Variants in MGAM2 observed in about 807,000 individuals in gnomAD.
MGAM2 encodes the protein maltase-glucoamylase 2 (putative).
MGAM2 carries 98 observed loss-of-function variants against 96.1 expected under a neutral mutation model. The ratio of observed to expected loss-of-function variants is 1.02; its 90% CI spans 0.87 to 1.21. MGAM2 has a LOEUF of 1.21. Among genes scored for constraint, MGAM2 ranks in the 50% most tolerant of loss-of-function variants. The pLI, the probability that MGAM2 is intolerant of heterozygous loss-of-function variation, is 0.00. For synonymous variants in MGAM2, 749 were observed against 414.8 expected (o/e 1.81, Z -9.79); for missense variants, 2,055 against 1,182.4 (o/e 1.74, Z -10.82).
chr7:142,209,018 C>T lies in MGAM2; in HGVS notation c.5187+396C>T, dbSNP rs1037441816. The stretch of plus-strand genomic sequence containing the variant: ...TATCTAACAATAAGCACTTACTTAG[C>T]TCATGAGCTTGCAGGGCTCAGAGGA... On this transcript the variant is annotated intron_variant, in intron 46 of 47. Coordinates refer to ENST00000477922, the MANE Select transcript of MGAM2 (RefSeq NM_001293626.2). Among the ~76,000 whole-genome samples, 10 of 152,316 alleles carry T rather than the reference C, an allele frequency of 6.6e-5. No homozygotes were observed. The South Asian group carries it at 1.0e-3, about 16-fold the overall frequency.
intron 32 of MGAM2, among the ~76,000 whole-genome samples, chr7:142,180,461 T>C (rs1194720486): frequency 1.3e-5 from 2 of 152,162 alleles, no homozygotes; most frequent in Admixed American, 1.3e-4. Flanking sequence ...TTTGAGATCT[T>C]TCTAACTTCT....
intron 14 of MGAM2, 100 bp from the exon 15 acceptor site, chr7:142,147,356 G>T (rs2129082598): frequency 1.7e-6 from 1 of 598,712 alleles, no homozygotes; most frequent in Middle Eastern, 3.8e-4. Context: ...GGTGGAGATT[G>T]GTGGGGAAGG....
chr7:142,135,686 T>C (rs1795036106), intron 7 of MGAM2, among the ~76,000 whole-genome samples: 1 of 151,448 alleles, frequency 6.6e-6, no homozygotes, highest in African/African-American at 2.4e-5. Flanking sequence ...CTCCGTATTC[T>C]AATCTCAACT....
chr7:142,152,031 A>G (rs1261095612), intron 15 of MGAM2, among the ~76,000 whole-genome samples: 1 of 152,124 alleles, frequency 6.6e-6, no homozygotes, highest in East Asian at 1.9e-4. Context: ...CCCCACCTCT[A>G]GGCTGAAAGC....
chr7:142,217,185 T>C (rs1379932509), intron 46 of MGAM2, among the ~76,000 whole-genome samples: 2 of 152,178 alleles, frequency 1.3e-5, no homozygotes, highest in Non-Finnish European at 2.9e-5. Context: ...ACCTCATAAT[T>C]TATGTCATAT....
intron 46 of MGAM2, among the ~76,000 whole-genome samples, chr7:142,215,485 G>A (rs1797730855): frequency 6.6e-6 from 1 of 151,792 alleles, no homozygotes; most frequent in Admixed American, 6.6e-5. Context: ...ATTTGGCTGA[G>A]CGTGGTGGCT....
At chr7:142,204,997 A>C (rs1797354183) in intron 45 of MGAM2, among the ~76,000 whole-genome samples, 1 of 152,148 alleles carries the variant, frequency 6.6e-6, no homozygotes, top group African/African-American at 2.4e-5. Flanking sequence ...CTCTTGGGAA[A>C]GTACATATTT....
rs754177951 is a variant in MGAM2 at position 142,220,431 on chromosome 7, A to G, written c.5920A>G (p.Asn1974Asp). The G allele has an allele frequency of 5.7e-6, 4 of 702,602 alleles. No individual in the cohort carries two copies. The South Asian group carries it at 5.9e-5, about 10-fold the overall frequency. 43.5% of individuals were successfully genotyped at this position (702,602 alleles called of 1,614,324 possible). A position where few individuals can be genotyped will look rare whatever the true frequency, so the allele number is the denominator to read the frequency against. ...FPTNTTTAST[N>D]ATIPITTTPF... The stretch of plus-strand genomic sequence containing the variant: ...AACAAATACTACTACTGCTAGCACT[A>G]ATGCTACTATTCCTATCACAACCAC... The change falls in exon 48 of 48, where the codon AAT becomes GAT. Residue 1974 changes from asparagine to aspartate, a missense_variant. Physicochemically the swap from Asn to Asp is conservative, Grantham distance 23 (BLOSUM62 1). Coordinates refer to ENST00000477922, the MANE Select transcript of MGAM2 (RefSeq NM_001293626.2).
intron 45 of MGAM2, among the ~76,000 whole-genome samples, chr7:142,205,519 T>C (rs959427856): frequency 2.6e-5 from 4 of 152,064 alleles, no homozygotes; most frequent in East Asian, 1.9e-4. Context: ...TGAAAAGCTG[T>C]AGTTTTTTGT....
intron 3 of MGAM2, among the ~76,000 whole-genome samples, chr7:142,127,358 A>AT (rs371337715): frequency 1.3e-5 from 2 of 149,808 alleles, no homozygotes; most frequent in Non-Finnish European, 3.0e-5. Flanking sequence ...CATATTTTCC[A>AT]TTTTTTTTAT....
chr7:142,206,513 G>A (rs893332498), intron 45 of MGAM2, among the ~76,000 whole-genome samples: 1 of 152,112 alleles, frequency 6.6e-6, no homozygotes, highest in Non-Finnish European at 1.5e-5. Context: ...TTTGATACAG[G>A]TTTAGCTAAT....
intron 37 of MGAM2, among the ~76,000 whole-genome samples, chr7:142,195,287 G>A (rs1796997053): frequency 6.7e-6 from 1 of 150,212 alleles, no homozygotes; most frequent in South Asian, 2.1e-4. Context: ...TTCTGCCTTG[G>A]CCTCCCAAGG....
chr7:142,142,613 G>A (rs974625628), intron 12 of MGAM2, among the ~76,000 whole-genome samples: 2 of 140,006 alleles, frequency 1.4e-5, no homozygotes, highest in Non-Finnish European at 3.0e-5. Context: ...TCACTGCAAC[G>A]ATCTCAGCTC....
At chr7:142,125,898 G>C (rs943094425) in intron 3 of MGAM2, among the ~76,000 whole-genome samples, 3 of 152,044 alleles carry the variant, frequency 2.0e-5, no homozygotes, top group African/African-American at 7.2e-5. Flanking sequence ...AAATGAGAAA[G>C]TATTAATGTT....
chr7:142,145,474 C>T (rs1347899973), intron 14 of MGAM2, among the ~76,000 whole-genome samples: 1 of 151,892 alleles, frequency 6.6e-6, no homozygotes, highest in Non-Finnish European at 1.5e-5. Flanking sequence ...CTTCAAGGTC[C>T]CATTTATAGG....
At chr7:142,150,926 C>T (rs1795559548) in intron 15 of MGAM2, among the ~76,000 whole-genome samples, 1 of 152,168 alleles carries the variant, frequency 6.6e-6, no homozygotes, top group East Asian at 1.9e-4. Flanking sequence ...AGATGGCCTT[C>T]CTTACCCTGT....
At chr7:142,153,122 A>C (rs561773658) in intron 15 of MGAM2, among the ~76,000 whole-genome samples, 2 of 150,758 alleles carry the variant, frequency 1.3e-5, no homozygotes, top group Admixed American at 1.3e-4. Context: ...CAGTCTTCTG[A>C]GTATGAGTAG....
At position 142,148,278 on chromosome 7, in the gene MGAM2, A is replaced by G. The variant is rs1795449612; in HGVS notation, c.1634+705A>G. ...CACCACCATCCCCCCCACCACCACAATCACTATCACCATCACCACCACCCA... is the reference window on the plus strand; with the variant it reads ...CACCACCATCCCCCCCACCACCACAGTCACTATCACCATCACCACCACCCA... On this transcript the variant is annotated intron_variant, in intron 15 of 47. Coordinates refer to ENST00000477922, the MANE Select transcript of MGAM2 (RefSeq NM_001293626.2). This position sits in a 1 kb window ranked among gnomAD's most constrained non-coding sequence, Gnocchi z 4.2. Among the ~76,000 whole-genome samples the G allele has an allele frequency of 6.6e-6, 1 of 150,630 alleles. No individual in the cohort carries two copies. Among genetic ancestry groups the G allele is most frequent in the Non-Finnish European group, 1.5e-5 (1 of 67,540 alleles).
At chr7:142,149,137 G>A (rs1332787325) in intron 15 of MGAM2, among the ~76,000 whole-genome samples, 1 of 151,994 alleles carries the variant, frequency 6.6e-6, no homozygotes, top group Non-Finnish European at 1.5e-5. Context: ...GCTGAGGCAG[G>A]AGGATCGCTT....
Sources: gnomAD v4.1 joint callset for allele counts (sites outside exome capture counted in the v4.1 genomes callset) on GRCh38, gnomAD v4.1.1 for gene constraint, Gnocchi (gnomAD v3.1) non-coding constraint, MANE v1.5 for transcripts, NCBI Gene and HGNC (gene_info 2026-07-23, HGNC 2026-07-21) for gene names.